Variants in A4GALT observed in about 807,000 individuals in gnomAD.
A4GALT encodes the protein alpha 1,4-galactosyltransferase (P1PK blood group), also known as lactosylceramide 4-alpha-galactosyltransferase.
For missense variants in A4GALT, 512 were observed against 486.0 expected (o/e 1.05, Z -0.50); for synonymous variants, 257 against 220.7 (o/e 1.16, Z -1.46).
chr22:42,712,062 T>C (rs759233836), intron 1 of A4GALT, among the ~76,000 whole-genome samples: 16 of 152,226 alleles, frequency 1.1e-4, no homozygotes, highest in Non-Finnish European at 1.3e-4. Flanking sequence ...AGCTGCCTCA[T>C]TATTTGAAGG....
chr22:42,711,883 A>G (rs1369239010), intron 1 of A4GALT, among the ~76,000 whole-genome samples: 1 of 152,178 alleles, frequency 6.6e-6, no homozygotes, highest in East Asian at 1.9e-4. Context: ...TCGGCCTTCC[A>G]AAGTGCTAGG....
At chr22:42,701,136 TCC>T (rs1402020012) in intron 1 of A4GALT, among the ~76,000 whole-genome samples, 1 of 152,200 alleles carries the variant, frequency 6.6e-6, no homozygotes, top group Non-Finnish European at 1.5e-5. Flanking sequence ...CCCCAGGGTC[TCC>T]CAGCTCGTTG....
At chr22:42,696,707 C>T (rs1409029483) in intron 1 of A4GALT, among the ~76,000 whole-genome samples, 6 of 151,976 alleles carry the variant, frequency 3.9e-5, no homozygotes, top group Admixed American at 2.0e-4. Flanking sequence ...ATATCAGCCA[C>T]GTCATTCTCA....
In A4GALT at chr22:42,692,841, G is replaced by A. The variant is rs774582912; in HGVS notation, c.*49C>T. On this transcript the variant is annotated 3_prime_UTR_variant, in exon 3 of 3. Transcript: ENST00000642412. The surrounding 1 kb of genome is among the most constrained non-coding windows in gnomAD (Gnocchi z 4.6). ...CAATCTTGCCTCCCCGGGAAGGGCGGCCCAGTGCCCCATCAGGAGCAGGTT... is the reference window on the plus strand; with the variant it reads ...CAATCTTGCCTCCCCGGGAAGGGCGACCCAGTGCCCCATCAGGAGCAGGTT... The A allele has an allele frequency of 4.4e-6, 7 of 1,591,964 alleles. No individual in the cohort carries two copies. The highest frequency in any genetic ancestry group is 6.0e-6 in the Non-Finnish European group (7 of 1,174,310).
At chr22:42,700,689 C>T (rs1222659896) in intron 1 of A4GALT, among the ~76,000 whole-genome samples, 1 of 152,194 alleles carries the variant, frequency 6.6e-6, no homozygotes. Flanking sequence ...TGCAGTCAGG[C>T]CATGCTCCTC....
rs1930521248 is a variant in A4GALT at position 42,692,634 on chromosome 22, T to C, written c.*256A>G. On this transcript the variant is annotated 3_prime_UTR_variant, in exon 3 of 3. Transcript: ENST00000642412. This position sits in a 1 kb window ranked among gnomAD's most constrained non-coding sequence, Gnocchi z 4.6. ...TGAGGTTCATCCTTCCTGCCTGTTG[T>C]CTAGAAGGCCCGGGGCACTCACTGA... 2 of 634,620 alleles carry C rather than the reference T, an allele frequency of 3.2e-6. No individual in the cohort carries two copies. Among genetic ancestry groups the C allele is most frequent in the Non-Finnish European group, 5.9e-6 (2 of 341,714 alleles). 39.3% of individuals were successfully genotyped at this position (634,620 alleles called of 1,614,324 possible). A position where few individuals can be genotyped will look rare whatever the true frequency, so the allele number is the denominator to read the frequency against.
chr22:42,714,368 A>G (rs1921976627), intron 1 of A4GALT, among the ~76,000 whole-genome samples: 1 of 147,468 alleles, frequency 6.8e-6, no homozygotes, highest in Non-Finnish European at 1.5e-5. Context: ...CGGGAGCATC[A>G]CTTGAGCCCA....
chr22:42,695,586 A>G lies in A4GALT; in HGVS notation c.-142T>C, dbSNP rs1287913326. 1.3e-5 allele frequency: 2 copies of G among 152,298 alleles called. No individual in the cohort carries two copies. The highest frequency in any genetic ancestry group is 2.4e-5 in the African/African-American group (1 of 41,454). 9.4% of individuals were successfully genotyped at this position (152,298 alleles called of 1,614,324 possible). A position where few individuals can be genotyped will look rare whatever the true frequency, so the allele number is the denominator to read the frequency against. On this transcript the variant is annotated 5_prime_UTR_variant, in exon 2 of 3. Coordinates refer to ENST00000642412, the MANE Select transcript of A4GALT (RefSeq NM_017436.7). ...GCTCAGCAGCCGACCTTCTTTGCCA[A>G]CACGAACACGGCCCTTCCACACACT...
Position 42,694,010 on chromosome 22 carries a change from A to ATCTCTT in A4GALT, c.-46-14_-46-13insAAGAGA. ...GGAACCGGCTGGTCTGCAAGAGATG[A>ATCTCTT]GCACCCGCCATCAGGGAGGCCGTTG... On this transcript the variant is annotated splice_polypyrimidine_tract_variant and intron_variant, in intron 2 of 2. Transcript: ENST00000642412. 7.0e-7 allele frequency: 1 copy of ATCTCTT among 1,436,908 alleles called. No individual in the cohort carries two copies. Among genetic ancestry groups the ATCTCTT allele is most frequent in the Non-Finnish European group, 9.5e-7 (1 of 1,052,330 alleles). The allele number at this position is 1,436,908 out of a possible 1,614,324, so 89.0% of individuals were successfully genotyped here. A position where few individuals can be genotyped will look rare whatever the true frequency, so the allele number is the denominator to read the frequency against.
In A4GALT at chr22:42,695,573, A is replaced by G. The variant is rs1458157079; in HGVS notation, c.-129T>C. ...GAGACACGCCCTGGCTCAGCAGCCG[A>G]CCTTCTTTGCCAACACGAACACGGC... On this transcript the variant is annotated 5_prime_UTR_variant, in exon 2 of 3. Transcript: ENST00000642412. 1 of 152,238 alleles carries G rather than the reference A, an allele frequency of 6.6e-6. No individual in the cohort carries two copies. The highest frequency in any genetic ancestry group is 2.4e-5 in the African/African-American group (1 of 41,438). The allele number at this position is 152,238 out of a possible 1,614,324, so 9.4% of individuals were successfully genotyped here. A position where few individuals can be genotyped will look rare whatever the true frequency, so the allele number is the denominator to read the frequency against.
At chr22:42,714,274 C>CA (rs1163088658) in intron 1 of A4GALT, among the ~76,000 whole-genome samples, 1,560 of 16,106 alleles carry the variant, frequency 0.097, 551 homozygotes, top group East Asian at 0.23. Flanking sequence ...GACTCTGTCT[C>CA]AAAAAAAAAA....
chr22:42,696,160 C>T (rs1601987070), intron 1 of A4GALT, among the ~76,000 whole-genome samples: 1 of 143,894 alleles, frequency 6.9e-6, no homozygotes, highest in South Asian at 2.2e-4. Context: ...GTAGCTCACG[C>T]CTGTAATCCC....
At chr22:42,716,198 C>T (rs1402476176) in intron 1 of A4GALT, among the ~76,000 whole-genome samples, 2 of 152,150 alleles carry the variant, frequency 1.3e-5, no homozygotes, top group Admixed American at 1.3e-4. Flanking sequence ...CTACTCCAGG[C>T]TCAGGGCACA....
intron 1 of A4GALT, among the ~76,000 whole-genome samples, chr22:42,707,330 T>G (rs940048141): frequency 6.6e-6 from 1 of 152,220 alleles, no homozygotes; most frequent in African/African-American, 2.4e-5. Context: ...TTTAAAAAAT[T>G]TTATCTATGG....
intron 1 of A4GALT, among the ~76,000 whole-genome samples, chr22:42,717,410 G>C (rs1922285115): frequency 6.6e-6 from 1 of 152,110 alleles, no homozygotes; most frequent in Non-Finnish European, 1.5e-5. Flanking sequence ...AAGCACCAAA[G>C]ACTGGGGCCC....
At chr22:42,696,202 C>G (rs1930920662) in intron 1 of A4GALT, among the ~76,000 whole-genome samples, 1 of 147,918 alleles carries the variant, frequency 6.8e-6, no homozygotes, top group African/African-American at 2.5e-5. Context: ...GGGCAGATCA[C>G]TTGAGGTCGG....
chr22:42,716,820 G>A (rs1186837793), intron 1 of A4GALT, among the ~76,000 whole-genome samples: 3 of 152,166 alleles, frequency 2.0e-5, no homozygotes, highest in Admixed American at 1.3e-4. Context: ...CACCTGAAGG[G>A]GAAGGAGCAA....
chr22:42,696,627 G>A (rs1204923109), intron 1 of A4GALT, among the ~76,000 whole-genome samples: 1 of 151,828 alleles, frequency 6.6e-6, no homozygotes, highest in Non-Finnish European at 1.5e-5. Flanking sequence ...TTCCCAGCAC[G>A]CAGCAGGCAC....
chr22:42,705,637 A>G (rs1921015314), intron 1 of A4GALT, among the ~76,000 whole-genome samples: 1 of 124,670 alleles, frequency 8.0e-6, no homozygotes, highest in African/African-American at 2.6e-5. Flanking sequence ...AAAAGAAGAA[A>G]ATACTGGCAC....
Sources: allele counts gnomAD v4.1 joint callset (sites outside exome capture counted in the v4.1 genomes callset), GRCh38; gene constraint gnomAD v4.1.1; non-coding constraint Gnocchi (gnomAD v3.1); transcripts MANE v1.5; gene names NCBI Gene and HGNC (gene_info 2026-07-23, HGNC 2026-07-21).